The following MSH3 variants were observed in gnomAD, a reference collection of about 807,000 sequenced individuals.
The protein encoded by MSH3 is mutS homolog 3.
Under a neutral mutation model 123.3 loss-of-function variants are expected in MSH3, and 106 were observed. The ratio of observed to expected loss-of-function variants is 0.86; its 90% CI spans 0.73 to 1.01. The LOEUF (loss-of-function observed/expected upper bound fraction) is 1.01, where lower values mean the gene tolerates loss of function less well. Ranked by LOEUF, MSH3 falls within the 50% of genes least tolerant of loss-of-function variation. The probability of loss-of-function intolerance (pLI) is 0.00; values close to 1 mark genes in which losing one functional copy is unlikely to be tolerated. For synonymous variants in MSH3, 515 were observed against 481.4 expected (o/e 1.07, Z -0.91); for missense variants, 1,459 against 1,347.6 (o/e 1.08, Z -1.29).
At position 80,670,132 on chromosome 5, in the gene MSH3, A is replaced by C. The variant is rs751084939; in HGVS notation, c.615A>C (p.Ser205=). The change falls in exon 4 of 24, where the codon TCA becomes TCC. Residue 205 remains serine, a synonymous_variant. Transcript: ENST00000265081. ...TTTTTGATCTCAGTCAGTTTGGATC[A>C]TCAAATACAAGTCATGAAAATTTAC... is the stretch of plus-strand genomic sequence containing the variant. ...TTLFDLSQFG[S]SNTSHENLQK... is the part of the protein sequence containing the mutation. 1 of 1,614,018 alleles carries C rather than the reference A, an allele frequency of 6.2e-7. No individual in the cohort carries two copies. Among genetic ancestry groups the C allele is most frequent in the Non-Finnish European group, 8.5e-7 (1 of 1,180,028 alleles).
At chr5:80,843,396 T>C (rs1168771949) in intron 20 of MSH3, among the ~76,000 whole-genome samples, 1 of 152,244 alleles carries the variant, frequency 6.6e-6, no homozygotes. Flanking sequence ...CAGGTTTTGG[T>C]ATCAGGATGA....
chr5:80,848,638 G>A lies in MSH3; in HGVS notation c.2814-5492G>A, dbSNP rs528062733. ...GTAAAGATATTGTGCAGGGAAATGC[G>A]CGTTTTTAAAACTATCAGATCTCAT... is the stretch of plus-strand genomic sequence containing the variant. On this transcript the variant is annotated intron_variant, in intron 20 of 23. Coordinates refer to ENST00000265081, the MANE Select transcript of MSH3 (RefSeq NM_002439.5). Among the ~76,000 whole-genome samples the A allele has an allele frequency of 1.7e-4, 26 of 152,278 alleles. No individual in the cohort carries two copies. In the East Asian group the frequency reaches 1.7e-3, roughly 10 times the overall value.
At chr5:80,814,692 A>T (rs1745071901) in intron 20 of MSH3, among the ~76,000 whole-genome samples, 1 of 152,252 alleles carries the variant, frequency 6.6e-6, no homozygotes, top group African/African-American at 2.4e-5. Flanking sequence ...TGTAGAGCAC[A>T]GTCTGAAAAC....
chr5:80,748,461 T>G (rs1229706745), intron 12 of MSH3, among the ~76,000 whole-genome samples: 1 of 152,144 alleles, frequency 6.6e-6, no homozygotes, highest in Non-Finnish European at 1.5e-5. Flanking sequence ...CACATTAGCT[T>G]TTATAAATAG....
chr5:80,809,640 C>G (rs1340824900), intron 19 of MSH3, among the ~76,000 whole-genome samples: 1 of 152,192 alleles, frequency 6.6e-6, no homozygotes, highest in Non-Finnish European at 1.5e-5. Context: ...TTCAGGGAGC[C>G]TTGGCATGAC....
chr5:80,710,212 G>A (rs1036040185), intron 8 of MSH3, among the ~76,000 whole-genome samples: 4 of 152,200 alleles, frequency 2.6e-5, no homozygotes, highest in African/African-American at 9.7e-5. Flanking sequence ...TGAGGAGACT[G>A]AGGCTCAGAG....
chr5:80,723,194 A>C (rs1751123585), intron 8 of MSH3, among the ~76,000 whole-genome samples: 1 of 152,152 alleles, frequency 6.6e-6, no homozygotes, highest in Non-Finnish European at 1.5e-5. Flanking sequence ...TCACAAAGAA[A>C]ATCAAAGGGC....
rs966641380 is a variant in MSH3 at position 80,875,997 on chromosome 5, CAGAG to C, written c.*138_*141del. ...GACCATGGTATATTCCTATTGGAAA[CAGAG>C]AGGTTTTTCTGAAGACAGTCTTTTT... is the stretch of plus-strand genomic sequence containing the variant. On this transcript the variant is annotated 3_prime_UTR_variant, in exon 24 of 24. Coordinates refer to ENST00000265081, the MANE Select transcript of MSH3 (RefSeq NM_002439.5). The C allele has an allele frequency of 3.0e-6, 2 of 660,648 alleles. No homozygotes were observed. The highest frequency in any genetic ancestry group is 5.4e-6 in the Non-Finnish European group (2 of 370,668). The allele number at this position is 660,648 out of a possible 1,614,324, so 40.9% of individuals were successfully genotyped here.
At chr5:80,685,894 C>G (rs538084374) in intron 8 of MSH3, among the ~76,000 whole-genome samples, 6 of 152,024 alleles carry the variant, frequency 3.9e-5, no homozygotes, top group Non-Finnish European at 8.8e-5. Context: ...CCTTGTTGAT[C>G]TCTTCATTGA....
intron 20 of MSH3, among the ~76,000 whole-genome samples, chr5:80,826,868 A>G (rs979172497): frequency 3.9e-5 from 6 of 152,100 alleles, no homozygotes; most frequent in African/African-American, 1.4e-4. Context: ...TTTTATCTGA[A>G]TACTATAACC....
Position 80,670,254 on chromosome 5 carries a change from C to G in MSH3, c.737C>G (p.Ala246Gly), listed in dbSNP as rs1580550343. The part of the protein sequence containing the change: ...YIEMKQQHKD[A>G]VLCVECGYKY... Reference sequence around the variant, plus strand: ...GAAATGAAGCAGCAGCACAAAGATGCAGTTTTGTGTGTGGAATGTGGATAT... The same window carrying G: ...GAAATGAAGCAGCAGCACAAAGATGGAGTTTTGTGTGTGGAATGTGGATAT... Residue 246 changes from alanine (A) to glycine (G), a missense_variant, in exon 4 of 24, where the codon GCA becomes GGA. Transcript: ENST00000265081. 6.2e-7 allele frequency: 1 copy of G among 1,614,064 alleles called. No homozygotes were observed. The highest frequency in any genetic ancestry group is 1.1e-5 in the South Asian group (1 of 91,080).
chr5:80,840,239 T>TC (rs1745596783), intron 20 of MSH3, among the ~76,000 whole-genome samples: 1 of 152,182 alleles, frequency 6.6e-6, no homozygotes, highest in African/African-American at 2.4e-5. Context: ...GCTAAATATA[T>TC]ATGTATATCA....
rs1749289816 is a variant in MSH3 at position 80,656,483 on chromosome 5, G to A, written c.310G>A (p.Val104Ile). Residue 104 changes from valine (V) to isoleucine (I), a missense_variant, in exon 2 of 24, where the codon GTC becomes ATC. Val to Ile is a conservative substitution (Grantham distance 29, BLOSUM62 3). Coordinates refer to ENST00000265081, the MANE Select transcript of MSH3 (RefSeq NM_002439.5). ...DGPVKKKVKKVQQKEGGSDLG... is the reference protein window; with the variant it reads ...DGPVKKKVKKIQQKEGGSDLG... Reference sequence around the variant, plus strand: ...GCCTGTTAAAAAGAAAGTAAAGAAAGTCCAACAAAAGGAAGGAGGAAGTGA... The same window carrying A: ...GCCTGTTAAAAAGAAAGTAAAGAAAATCCAACAAAAGGAAGGAGGAAGTGA... 2 of 1,614,184 alleles carry A rather than the reference G, an allele frequency of 1.2e-6. No individual in the cohort carries two copies. The highest frequency in any genetic ancestry group is 1.7e-4 in the Middle Eastern group (1 of 6,060).
chr5:80,671,836 A>G (rs1750856742), intron 4 of MSH3, among the ~76,000 whole-genome samples: 3 of 152,220 alleles, frequency 2.0e-5, no homozygotes, highest in Admixed American at 1.3e-4. Flanking sequence ...CTCTGTCCGG[A>G]TGGGTTCATC....
At chr5:80,656,055 A>G (rs951494986) in intron 1 of MSH3, among the ~76,000 whole-genome samples, 1 of 152,348 alleles carries the variant, frequency 6.6e-6, no homozygotes, top group South Asian at 2.1e-4. Flanking sequence ...CCTTTGCTAC[A>G]TAACTGTTTA....
At chr5:80,663,578 A>G (rs549886157) in intron 2 of MSH3, among the ~76,000 whole-genome samples, 1 of 151,686 alleles carries the variant, frequency 6.6e-6, no homozygotes, top group East Asian at 1.9e-4. Context: ...TAGGAGGGAA[A>G]CTCTTTGTAT....
intron 20 of MSH3, among the ~76,000 whole-genome samples, chr5:80,841,054 A>C (rs1330975696): frequency 1.1e-3 from 125 of 109,826 alleles, no homozygotes; most frequent in Middle Eastern, 8.3e-3. Flanking sequence ...ATCCCTCCCC[A>C]CTCCCCCCAC....
intron 8 of MSH3, among the ~76,000 whole-genome samples, chr5:80,698,728 C>T (rs573504684): frequency 2.6e-4 from 39 of 151,506 alleles, no homozygotes; most frequent in African/African-American, 8.7e-4. Flanking sequence ...CGCATGTTCT[C>T]ACTCATAGGT....
At chr5:80,809,000 A>C (rs1312597765) in intron 19 of MSH3, among the ~76,000 whole-genome samples, 2 of 151,072 alleles carry the variant, frequency 1.3e-5, no homozygotes, top group Non-Finnish European at 3.0e-5. Context: ...CCTAAGCCAA[A>C]TGTATTTTCA....
Sources: allele counts gnomAD v4.1 joint callset (sites outside exome capture counted in the v4.1 genomes callset), GRCh38; gene constraint gnomAD v4.1.1; transcripts MANE v1.5; gene names NCBI Gene and HGNC (gene_info 2026-07-23, HGNC 2026-07-21).